The following SLC35F1 variants were observed in gnomAD, a reference collection of about 807,000 sequenced individuals.
The protein encoded by SLC35F1 is solute carrier family 35 member F1, also known as chromosome 6 open reading frame 169.
Under a neutral mutation model 48.7 loss-of-function variants are expected in SLC35F1, and 14 were observed. The ratio of observed to expected loss-of-function variants is 0.29; its 90% confidence interval spans 0.19 to 0.45. The LOEUF (loss-of-function observed/expected upper bound fraction) is 0.45. Among genes scored for constraint, SLC35F1 ranks in the 20% least tolerant of loss-of-function variants. The probability of loss-of-function intolerance (pLI) is 1.00; values close to 1 mark genes in which losing one functional copy is unlikely to be tolerated. For missense variants in SLC35F1, 404 were observed against 500.0 expected (o/e 0.81, Z 1.83); for synonymous variants, 190 against 202.2 (o/e 0.94, Z 0.51).
At position 118,267,051 on chromosome 6, in the gene SLC35F1, G is replaced by C; in HGVS notation, c.534G>C (p.Leu178=). ...TTTTGCTCTCCTGGTTCTTCCTGCT[G>C]ATCCGGTACAAGGCTGTGCATTTCA... ...VVILLSWFFL[L]IRYKAVHFIG... The change falls in exon 4 of 8, where the codon CTG becomes CTC. Residue 178 remains leucine (L), a synonymous_variant. Transcript: ENST00000360388. 6.2e-7 allele frequency: 1 copy of C among 1,614,000 alleles called. No homozygotes were observed. The highest frequency in any genetic ancestry group is 8.5e-7 in the Non-Finnish European group (1 of 1,179,924).
intron 7 of SLC35F1, among the ~76,000 whole-genome samples, chr6:118,307,596 A>G (rs1776326205): frequency 1.3e-5 from 2 of 152,234 alleles, no homozygotes; most frequent in African/African-American, 4.8e-5. Flanking sequence ...TAAACTCAGA[A>G]GCCGAACTTT....
chr6:118,030,962 T>C (rs1443762523), intron 1 of SLC35F1, among the ~76,000 whole-genome samples: 2 of 152,206 alleles, frequency 1.3e-5, no homozygotes, highest in East Asian at 1.9e-4. Context: ...TTTTAATGAA[T>C]AAACTGTAGT....
At chr6:117,940,758 C>A (rs1776221389) in intron 1 of SLC35F1, among the ~76,000 whole-genome samples, 1 of 152,028 alleles carries the variant, frequency 6.6e-6, no homozygotes. Flanking sequence ...AGGTGAACCT[C>A]CCACCTCAGC....
At chr6:117,999,248 A>G in intron 1 of SLC35F1, 2 of 1,596,480 alleles carry the variant, frequency 1.3e-6, no homozygotes, top group Non-Finnish European at 1.7e-6. Flanking sequence ...AGTCAGCTGC[A>G]AGCTCGATCG....
At chr6:117,979,320 G>A (rs117674491) in intron 1 of SLC35F1, among the ~76,000 whole-genome samples, 2,715 of 152,186 alleles carry the variant, frequency 0.018, 32 homozygotes, top group East Asian at 0.031. Flanking sequence ...ACAACCCTCC[G>A]TTACCCCATT....
intron 7 of SLC35F1, among the ~76,000 whole-genome samples, chr6:118,300,314 A>C (rs1776241610): frequency 1.3e-5 from 2 of 152,196 alleles, no homozygotes; most frequent in African/African-American, 4.8e-5. Flanking sequence ...CAAATACTAC[A>C]CCATGTTATA....
intron 3 of SLC35F1, among the ~76,000 whole-genome samples, chr6:118,246,207 G>GGACCCT (rs145307330): frequency 0.014 from 2,091 of 152,248 alleles, 36 homozygotes; most frequent in African/African-American, 0.036. Flanking sequence ...TATTTCTCCA[G>GGACCCT]GATTTCCAAG....
At chr6:118,096,243 A>T (rs531896800) in intron 1 of SLC35F1, among the ~76,000 whole-genome samples, 2 of 152,358 alleles carry the variant, frequency 1.3e-5, no homozygotes, top group South Asian at 2.1e-4. Flanking sequence ...CATTTGAGGA[A>T]TATGGACACA....
At chr6:118,117,938 T>C (rs1773496004) in intron 1 of SLC35F1, among the ~76,000 whole-genome samples, 1 of 152,184 alleles carries the variant, frequency 6.6e-6, no homozygotes, top group Admixed American at 6.6e-5. Context: ...CTGAGTAGTG[T>C]TTCATGATAC....
At chr6:118,138,354 G>A (rs1773829198) in intron 1 of SLC35F1, among the ~76,000 whole-genome samples, 1 of 151,658 alleles carries the variant, frequency 6.6e-6, no homozygotes, top group Non-Finnish European at 1.5e-5. Flanking sequence ...ACCACAGGAG[G>A]AAAATCACAT....
At position 118,236,167 on chromosome 6, in the gene SLC35F1, T is replaced by C. The variant is rs138732587; in HGVS notation, c.477+531T>C. On this transcript the variant is annotated intron_variant, in intron 3 of 7. Transcript: ENST00000360388. Reference sequence around the variant, plus strand: ...TTTTCCTAAAGGGACAAGGAGTCAATTCTTAAAATGTGTTATGCGTGAAGA... The same window carrying C: ...TTTTCCTAAAGGGACAAGGAGTCAACTCTTAAAATGTGTTATGCGTGAAGA... 4.3e-4 allele frequency among the ~76,000 whole-genome samples: 66 copies of C among 152,272 alleles called. No individual in the cohort carries two copies. In the East Asian group the frequency reaches 0.012, roughly 27 times the overall value.
chr6:117,989,891 T>C (rs1582603397), intron 1 of SLC35F1, among the ~76,000 whole-genome samples: 1 of 152,206 alleles, frequency 6.6e-6, no homozygotes, highest in South Asian at 2.1e-4. Context: ...ATCAAGTTCA[T>C]GTGGTCTGAC....
chr6:118,131,693 T>C (rs1773714653), intron 1 of SLC35F1, among the ~76,000 whole-genome samples: 1 of 152,070 alleles, frequency 6.6e-6, no homozygotes, highest in South Asian at 2.1e-4. Flanking sequence ...ATGAGTATAA[T>C]TGATGAAAGT....
chr6:118,255,694 T>G (rs1775633282), intron 3 of SLC35F1, among the ~76,000 whole-genome samples: 1 of 152,192 alleles, frequency 6.6e-6, no homozygotes, highest in Admixed American at 6.5e-5. Context: ...ACATATACAA[T>G]TTACACATTT....
Position 118,285,177 on chromosome 6 carries a change from C to T in SLC35F1, c.848-7C>T. On this transcript the variant is annotated splice_region_variant and splice_polypyrimidine_tract_variant and intron_variant, in intron 6 of 7. Transcript: ENST00000360388. ...CTGACGCTGCCTTCTCTTTACTCTT[C>T]CCCCAGGACTGCTCTACGTTGGCTT... 6.2e-7 allele frequency: 1 copy of T among 1,611,946 alleles called. No homozygotes were observed. The highest frequency in any genetic ancestry group is 8.5e-7 in the Non-Finnish European group (1 of 1,178,554).
chr6:118,037,631 A>T (rs776881309), intron 1 of SLC35F1, among the ~76,000 whole-genome samples: 1 of 152,300 alleles, frequency 6.6e-6, no homozygotes, highest in Non-Finnish European at 1.5e-5. Flanking sequence ...AATGCCCATC[A>T]GTGATAGGCT....
intron 1 of SLC35F1, among the ~76,000 whole-genome samples, chr6:117,927,532 G>C (rs1776044350): frequency 1.3e-5 from 2 of 152,166 alleles, no homozygotes; most frequent in African/African-American, 4.8e-5. Flanking sequence ...TTATCCCTGG[G>C]AGATGCTGGG....
chr6:118,203,921 A>G (rs1774901460), intron 2 of SLC35F1, among the ~76,000 whole-genome samples: 1 of 152,188 alleles, frequency 6.6e-6, no homozygotes, highest in African/African-American at 2.4e-5. Context: ...CAGGACTGAC[A>G]AAGTCCCTGC....
At chr6:118,163,120 A>T (rs1444732859) in intron 2 of SLC35F1, among the ~76,000 whole-genome samples, 1 of 150,876 alleles carries the variant, frequency 6.6e-6, no homozygotes, top group African/African-American at 2.4e-5. Flanking sequence ...TGCCACTACC[A>T]CCCAGCTAAT....
Sources: allele counts gnomAD v4.1 joint callset (sites outside exome capture counted in the v4.1 genomes callset), GRCh38; gene constraint gnomAD v4.1.1; transcripts MANE v1.5; gene names NCBI Gene and HGNC (gene_info 2026-07-23, HGNC 2026-07-21).